Variants in SPIN2A observed in about 807,000 individuals in gnomAD.
SPIN2A encodes spindlin-2A.
A neutral mutation model predicts 9.2 loss-of-function variants in SPIN2A; 4 were observed. That is an observed-to-expected ratio of 0.44 (90% confidence interval 0.21 to 1.00). The LOEUF (loss-of-function observed/expected upper bound fraction) is 1.00, where lower values mean the gene tolerates loss of function less well. Ranked by LOEUF, SPIN2A falls within the 50% of genes least tolerant of loss-of-function variation. SPIN2A has a pLI of 0.26. For missense variants in SPIN2A, 77 were observed against 172.8 expected (o/e 0.45, Z 3.11); for synonymous variants, 25 against 61.2 (o/e 0.41, Z 2.76).
In SPIN2A at chrX:57,136,069, G is replaced by A; in HGVS notation, c.529C>T (p.Leu177Phe). The A allele has an allele frequency of 8.3e-7, 1 of 1,204,162 alleles. No individual in the cohort carries two copies. The highest frequency in any genetic ancestry group is 1.1e-6 in the Non-Finnish European group (1 of 892,634). The change falls in exon 2 of 2, where the codon CTT becomes TTT. Residue 177 changes from leucine to phenylalanine, a missense_variant. Leu to Phe is a conservative substitution (Grantham distance 22). Coordinates refer to ENST00000374906, the MANE Select transcript of SPIN2A (RefSeq NM_019003.5). The part of the protein sequence containing the change: ...EKDPVLYMYQ[L>F]LDDYKEGDLR... ...TCACCTTCCTTATAATCATCTAGAA[G>A]CTGGTACATGTACAAGACAGGATCT...
chrX:57,141,957 C>T (rs1038723941), upstream of SPIN2A, among the ~76,000 whole-genome samples: 17 of 110,126 alleles, frequency 1.5e-4, no homozygotes, highest in African/African-American at 5.6e-4. Context: ...CCTTGCCCCC[C>T]ACACCCCGGT....
At chrX:57,144,448 G>GT in the SPIN2A span, among the ~76,000 whole-genome samples, 205 of 99,859 alleles carry the variant, frequency 2.1e-3, no homozygotes, top group Admixed American at 5.9e-3. Context: ...AACTCTGTGG[G>GT]TTTTTTTTTC....
upstream of SPIN2A, among the ~76,000 whole-genome samples, chrX:57,139,549 GTTCACGCCATTCTC>G (rs1399368248): frequency 3.6e-5 from 4 of 111,204 alleles, no homozygotes; most frequent in Non-Finnish European, 7.5e-5. Flanking sequence ...CTTCTCCTGG[GTTCACGCCATTCTC>G]CTGCCTCAGC....
At chrX:57,142,524 A>T in the SPIN2A span, among the ~76,000 whole-genome samples, 174 of 112,334 alleles carry the variant, frequency 1.5e-3, no homozygotes, top group Non-Finnish European at 2.5e-3. Flanking sequence ...GTGGCCTAAC[A>T]TATGGTCTGT....
At chrX:57,145,637 C>T in the SPIN2A span, among the ~76,000 whole-genome samples, 1 of 112,019 alleles carries the variant, frequency 8.9e-6, no homozygotes, top group Non-Finnish European at 1.9e-5. Flanking sequence ...TTGCCTAAGC[C>T]AATGTCTAGA....
rs1474437127 is a variant in SPIN2A at position 57,137,289 on chromosome X, GC to G, written c.-36del. 6 of 758,953 alleles carry G rather than the reference GC, an allele frequency of 7.9e-6. No individual in the cohort carries two copies. The African/African-American group carries it at 9.2e-5, about 12-fold the overall frequency. The allele number at this position is 758,953 out of a possible 1,213,427, so 62.5% of individuals were successfully genotyped here. ...ATGCTGCCTCTGCTGTGAGCCTGTG[GC>G]GAAGGAGGGTCAACAGGCGACTCGC... On this transcript the variant is annotated 5_prime_UTR_variant, in exon 1 of 2. Coordinates refer to ENST00000374906, the MANE Select transcript of SPIN2A (RefSeq NM_019003.5).
upstream of SPIN2A, among the ~76,000 whole-genome samples, chrX:57,138,915 T>C (rs1236244647): frequency 3.6e-5 from 4 of 112,253 alleles, no homozygotes; most frequent in Non-Finnish European, 7.5e-5. Context: ...GATTATTTGA[T>C]TTTTTACTAT....
At chrX:57,138,696 C>T (rs1927913847), upstream of SPIN2A, among the ~76,000 whole-genome samples, 1 of 111,474 alleles carries the variant, frequency 9.0e-6, no homozygotes, top group Non-Finnish European at 1.9e-5. Flanking sequence ...ACAAGGATAC[C>T]TCTTTCTTCA....
the SPIN2A span, among the ~76,000 whole-genome samples, chrX:57,145,887 TG>T: frequency 8.9e-6 from 1 of 112,014 alleles, no homozygotes; most frequent in East Asian, 2.8e-4. Context: ...GGTTTATTTC[TG>T]GGTTCTCTGT....
Position 57,137,241 on chromosome X carries a change from A to T in SPIN2A, c.-6+19T>A. 1 of 760,535 alleles carries T rather than the reference A, an allele frequency of 1.3e-6. No homozygotes were observed. Among genetic ancestry groups the T allele is most frequent in the South Asian group, 6.4e-5 (1 of 15,607 alleles). The allele number at this position is 760,535 out of a possible 1,213,427, so 62.7% of individuals were successfully genotyped here. A position where few individuals can be genotyped will look rare whatever the true frequency, so the allele number is the denominator to read the frequency against. ...TCCACCGCCGGGGATCGCGGGCCTC[A>T]CGTGCCGAAATCGGATACCTCGATG... On this transcript the variant is annotated intron_variant, in intron 1 of 1. Coordinates refer to ENST00000374906, the MANE Select transcript of SPIN2A (RefSeq NM_019003.5).
the SPIN2A span, among the ~76,000 whole-genome samples, chrX:57,146,558 C>A: frequency 1.3e-4 from 14 of 111,755 alleles, no homozygotes; most frequent in East Asian, 3.6e-3. Context: ...GCATTTATTT[C>A]TTTGTCTTGT....
the SPIN2A span, among the ~76,000 whole-genome samples, chrX:57,145,031 T>G: frequency 9.0e-6 from 1 of 111,687 alleles, no homozygotes; most frequent in Non-Finnish European, 1.9e-5. Flanking sequence ...GCTATAAACA[T>G]GCATGTGCAG....
downstream of SPIN2A, chrX:57,135,547 A>G: frequency 2.3e-6 from 1 of 441,502 alleles, no homozygotes; most frequent in Non-Finnish European, 3.7e-6. Flanking sequence ...TTCTAGCTGA[A>G]CTTTATTCAC....
upstream of SPIN2A, chrX:57,137,595 C>T (rs914436971): frequency 3.5e-5 from 4 of 115,234 alleles, no homozygotes; most frequent in Non-Finnish European, 7.1e-5. Context: ...GCAGATCTGC[C>T]TTTCTTTTCT....
chrX:57,141,671 TG>T (rs1471317746), upstream of SPIN2A, among the ~76,000 whole-genome samples: 2 of 111,928 alleles, frequency 1.8e-5, no homozygotes, highest in Non-Finnish European at 3.8e-5. Flanking sequence ...AGGTTGTATG[TG>T]TCTAGGAATT....
upstream of SPIN2A, among the ~76,000 whole-genome samples, chrX:57,140,157 T>C (rs1208789475): frequency 9.0e-6 from 1 of 111,543 alleles, no homozygotes; most frequent in Non-Finnish European, 1.9e-5. Flanking sequence ...TTTTACACAG[T>C]TGGCATTTGT....
At chrX:57,143,652 A>AT in the SPIN2A span, among the ~76,000 whole-genome samples, 1 of 109,974 alleles carries the variant, frequency 9.1e-6, no homozygotes, top group Non-Finnish European at 1.9e-5. Context: ...ATTTCTTTGT[A>AT]TTTTTGGTAG....
upstream of SPIN2A, among the ~76,000 whole-genome samples, chrX:57,139,953 G>C (rs947215908): frequency 8.9e-6 from 1 of 111,970 alleles, no homozygotes; most frequent in Non-Finnish European, 1.9e-5. Flanking sequence ...ACTTGGAGTA[G>C]TATGGACATT....
chrX:57,135,631 AG>A, downstream of SPIN2A: 1 of 962,777 alleles, frequency 1.0e-6, no homozygotes, highest in Non-Finnish European at 1.4e-6. Context: ...AACAAGACAA[AG>A]GGCTTACAGA....
Sources: allele counts gnomAD v4.1 joint callset (sites outside exome capture counted in the v4.1 genomes callset), GRCh38; gene constraint gnomAD v4.1.1; transcripts MANE v1.5; gene names NCBI Gene and HGNC (gene_info 2026-07-23, HGNC 2026-07-21).